The following ABCA13 variants were observed in gnomAD, a reference collection of about 807,000 sequenced individuals.
The protein encoded by ABCA13 is ATP binding cassette subfamily A member 13.
ABCA13 carries 476 observed loss-of-function variants against 478.7 expected under a neutral mutation model. The ratio of observed to expected loss-of-function variants is 0.99; its 90% confidence interval spans 0.92 to 1.07. The LOEUF (loss-of-function observed/expected upper bound fraction) is 1.07, where lower values mean the gene tolerates loss of function less well. Ranked by LOEUF, ABCA13 falls within the 50% of genes least tolerant of loss-of-function variation. ABCA13 has a pLI of 0.00. For synonymous variants in ABCA13, 2,252 were observed against 2,158.9 expected (o/e 1.04, Z -1.20); for missense variants, 6,060 against 5,910.6 (o/e 1.03, Z -0.83).
At chr7:48,291,236 C>T (rs973037086) in intron 20 of ABCA13, among the ~76,000 whole-genome samples, 13 of 152,208 alleles carry the variant, frequency 8.5e-5, no homozygotes, top group African/African-American at 1.7e-4. Flanking sequence ...GAGCAGTCAG[C>T]GGAAACCTAA....
At chr7:48,555,448 A>G (rs1363272338) in intron 55 of ABCA13, among the ~76,000 whole-genome samples, 5 of 151,832 alleles carry the variant, frequency 3.3e-5, no homozygotes, top group African/African-American at 7.2e-5. Context: ...CAGTGAAATC[A>G]TTGGGTCCCA....
intron 59 of ABCA13, among the ~76,000 whole-genome samples, chr7:48,625,183 C>T (rs1793547912): frequency 6.6e-6 from 1 of 152,150 alleles, no homozygotes; most frequent in Non-Finnish European, 1.5e-5. Context: ...AATGTATCAC[C>T]TTATGTGACA....
At chr7:48,438,958 T>C (rs956259061) in intron 42 of ABCA13, among the ~76,000 whole-genome samples, 4 of 151,386 alleles carry the variant, frequency 2.6e-5, no homozygotes, top group Non-Finnish European at 1.5e-5. Flanking sequence ...TTCCAAAAAC[T>C]CTTTCATCCA....
At chr7:48,457,873 G>A (rs1825839267) in intron 43 of ABCA13, among the ~76,000 whole-genome samples, 1 of 152,200 alleles carries the variant, frequency 6.6e-6, no homozygotes, top group South Asian at 2.1e-4. Flanking sequence ...TGAGGAAAAA[G>A]TAAAAAGCTA....
chr7:48,606,286 A>C (rs1035754288), intron 58 of ABCA13, among the ~76,000 whole-genome samples: 1 of 151,998 alleles, frequency 6.6e-6, no homozygotes, highest in Non-Finnish European at 1.5e-5. Flanking sequence ...TTTGGAGGAG[A>C]AGAGGTGTTC....
chr7:48,396,132 C>T (rs1341547647), intron 38 of ABCA13, among the ~76,000 whole-genome samples: 1 of 152,194 alleles, frequency 6.6e-6, no homozygotes, highest in Non-Finnish European at 1.5e-5. Context: ...ATTACCCTCC[C>T]CTCCACTGCT....
intron 3 of ABCA13, among the ~76,000 whole-genome samples, chr7:48,200,354 G>C (rs552440404): frequency 2.6e-5 from 4 of 152,134 alleles, no homozygotes; most frequent in Admixed American, 1.3e-4. Flanking sequence ...GTGACAGAGC[G>C]AGACTCATTC....
chr7:48,354,393 A>T (rs1374584597), intron 31 of ABCA13, among the ~76,000 whole-genome samples: 4 of 152,064 alleles, frequency 2.6e-5, no homozygotes, highest in Non-Finnish European at 5.9e-5. Context: ...AAATGTATTG[A>T]TGGAAATCCA....
Position 48,398,547 on chromosome 7 carries a change from G to C in ABCA13, c.11874-5136G>C, listed in dbSNP as rs557867862. Among the ~76,000 whole-genome samples the C allele has an allele frequency of 3.0e-4, 46 of 152,258 alleles. No homozygotes were observed. In the South Asian group the frequency reaches 3.5e-3, roughly 12 times the overall value. On this transcript the variant is annotated intron_variant, in intron 38 of 61. Coordinates refer to ENST00000435803, the MANE Select transcript of ABCA13 (RefSeq NM_152701.5). ...TTCATTAAAATGTGACTTCAAGGGAGGTTGCATCCCTGCTAGAATCTTTAG... is the reference window on the plus strand; with the variant it reads ...TTCATTAAAATGTGACTTCAAGGGACGTTGCATCCCTGCTAGAATCTTTAG...
intron 23 of ABCA13, 141 bp downstream of exon 23, chr7:48,298,628 T>C: frequency 2.0e-6 from 2 of 1,008,032 alleles, no homozygotes; most frequent in Non-Finnish European, 1.3e-6. Flanking sequence ...AATGATATAA[T>C]TGGAGGCAGA....
At chr7:48,601,915 C>G (rs2131484211) in intron 58 of ABCA13, among the ~76,000 whole-genome samples, 1 of 152,344 alleles carries the variant, frequency 6.6e-6, no homozygotes, top group East Asian at 1.9e-4. Flanking sequence ...GATCACCATT[C>G]TAACTGGCCT....
intron 55 of ABCA13, among the ~76,000 whole-genome samples, chr7:48,538,099 C>CTTTTT (rs1563409461): frequency 2.3e-4 from 28 of 120,010 alleles, no homozygotes; most frequent in African/African-American, 5.6e-4. Flanking sequence ...TTCTTTCTTT[C>CTTTTT]CTTTTTTTTT....
At chr7:48,202,173 TA>T (rs879885056) in intron 3 of ABCA13, among the ~76,000 whole-genome samples, 334 of 152,292 alleles carry the variant, frequency 2.2e-3, no homozygotes, top group Non-Finnish European at 4.2e-3. Context: ...AAGGGGACCC[TA>T]GTGGCTTGCC....
chr7:48,193,402 T>C (rs1289542997), intron 2 of ABCA13, among the ~76,000 whole-genome samples: 4 of 152,174 alleles, frequency 2.6e-5, no homozygotes, highest in Non-Finnish European at 5.9e-5. Flanking sequence ...CTGATAGTAA[T>C]GTTGATGGTG....
intron 31 of ABCA13, among the ~76,000 whole-genome samples, chr7:48,361,650 T>C (rs1202046784): frequency 6.6e-6 from 1 of 151,696 alleles, no homozygotes; most frequent in East Asian, 1.9e-4. Flanking sequence ...AAATATATTA[T>C]GTAGGTAATA....
intron 59 of ABCA13, among the ~76,000 whole-genome samples, chr7:48,630,921 T>C (rs76383051): frequency 2.0e-5 from 3 of 152,082 alleles, no homozygotes; most frequent in Non-Finnish European, 2.9e-5. Context: ...TGATGAGTAT[T>C]TTTTTCATAT....
At position 48,437,130 on chromosome 7, in the gene ABCA13, A is replaced by G. The variant is rs998343031; in HGVS notation, c.12565+9259A>G. 7.9e-5 allele frequency among the ~76,000 whole-genome samples: 12 copies of G among 151,970 alleles called. 1 individual carries two copies. Among genetic ancestry groups the G allele is most frequent in the African/African-American group, 1.2e-4 (5 of 41,412 alleles). On this transcript the variant is annotated intron_variant, in intron 42 of 61. Coordinates refer to ENST00000435803, the MANE Select transcript of ABCA13 (RefSeq NM_152701.5). ...TGAGAGTGAGGTATTGAGGTTTCCT[A>G]CTATTACTATAGTGCTATTTTTCCC...
intron 48 of ABCA13, among the ~76,000 whole-genome samples, chr7:48,503,596 G>T (rs1322740708): frequency 6.6e-6 from 1 of 152,052 alleles, no homozygotes; most frequent in Non-Finnish European, 1.5e-5. Flanking sequence ...GTTCATTCAT[G>T]TTGTCTCCAA....
At position 48,350,719 on chromosome 7, in the gene ABCA13, C is replaced by G. The variant is rs926297468; in HGVS notation, c.10281C>G (p.Leu3427=). The G allele has an allele frequency of 3.1e-6, 5 of 1,613,982 alleles. No individual in the cohort carries two copies. The highest frequency in any genetic ancestry group is 4.2e-6 in the Non-Finnish European group (5 of 1,179,862). The change falls in exon 30 of 62, where the codon CTC becomes CTG. Residue 3427 remains leucine, a synonymous_variant. Transcript: ENST00000435803. The part of the protein sequence containing the change: ...FRFLGSILVN[L]SSCVALNRFQ... ...TCTTGGGCAGCATCTTGGTCAATCTCTCTTCCTGCGTGGCACTGAACCGTT... is the reference window on the plus strand; with the variant it reads ...TCTTGGGCAGCATCTTGGTCAATCTGTCTTCCTGCGTGGCACTGAACCGTT...
Sources: allele counts gnomAD v4.1 joint callset (sites outside exome capture counted in the v4.1 genomes callset), GRCh38; gene constraint gnomAD v4.1.1; transcripts MANE v1.5; gene names NCBI Gene and HGNC (gene_info 2026-07-23, HGNC 2026-07-21).